Variants in DGKD observed in about 807,000 individuals in gnomAD.
DGKD encodes DAG kinase delta.
Under a neutral mutation model 154.4 loss-of-function variants are expected in DGKD, and 68 were observed. The ratio of observed to expected loss-of-function variants is 0.44; its 90% CI spans 0.36 to 0.54. DGKD has a LOEUF of 0.54. Among genes scored for constraint, DGKD ranks in the 20% least tolerant of loss-of-function variants. The probability of loss-of-function intolerance (pLI) is 0.00; values close to 1 mark genes in which losing one functional copy is unlikely to be tolerated. For synonymous variants in DGKD, 693 were observed against 638.0 expected (o/e 1.09, Z -1.30); for missense variants, 1,343 against 1,593.6 (o/e 0.84, Z 2.68).
chr2:233,438,263 G>C lies in DGKD; in HGVS notation c.969G>C (p.Leu323Phe), dbSNP rs765049780. The change falls in exon 9 of 30, where the codon TTG (leucine) becomes TTC (phenylalanine). Residue 323 changes from leucine (L) to phenylalanine (F), a missense_variant. Leu to Phe is a conservative substitution (Grantham distance 22). Transcript: ENST00000264057. The surrounding 1 kb of genome is among the most constrained non-coding windows in gnomAD (Gnocchi z 4.1). ...CTCCTTCTTGCACAAGCCCACTGTT[G>C]GTCTTCGTCAATTCAAAAAGTGGGG... ...SCPPSCTSPL[L>F]VFVNSKSGDN... is the part of the protein sequence containing the mutation. 6.2e-7 allele frequency: 1 copy of C among 1,614,172 alleles called. No homozygotes were observed. Among genetic ancestry groups the C allele is most frequent in the Non-Finnish European group, 8.5e-7 (1 of 1,180,036 alleles).
rs576555280 is a variant in DGKD, at chr2:233,407,617, A to G, written c.348+17134A>G. On this transcript the variant is annotated intron_variant, in intron 3 of 29. Coordinates refer to ENST00000264057, the MANE Select transcript of DGKD (RefSeq NM_152879.3). ...CCTGTCTCTACAAAAAATAAAAAAA[A>G]TTATCCAGGTACGGAGGCATGCACC... Among the ~76,000 whole-genome samples, 3 of 152,226 alleles carry G rather than the reference A, an allele frequency of 2.0e-5. No individual in the cohort carries two copies. In the South Asian group the frequency reaches 6.2e-4, roughly 32 times the overall value.
At chr2:233,466,072 A>C (rs1333577584) in intron 27 of DGKD, among the ~76,000 whole-genome samples, 1 of 152,138 alleles carries the variant, frequency 6.6e-6, no homozygotes, top group Non-Finnish European at 1.5e-5. Flanking sequence ...AAGCATCTAA[A>C]TTAGCTGTTC....
At chr2:233,407,271 T>C (rs975855517) in intron 3 of DGKD, among the ~76,000 whole-genome samples, 4 of 152,234 alleles carry the variant, frequency 2.6e-5, no homozygotes, top group African/African-American at 9.6e-5. Context: ...AGGCCAACTT[T>C]ACAGATATAT....
rs183387561 is a variant in DGKD, at chr2:233,438,812, A to G, written c.1085+433A>G. Among the ~76,000 whole-genome samples the G allele has an allele frequency of 3.7e-5, 5 of 136,952 alleles. No individual in the cohort carries two copies. The highest frequency in any genetic ancestry group is 2.2e-4 in the Admixed American group (3 of 13,712). 89.8% of individuals were successfully genotyped at this position (136,952 alleles called of 152,430 possible). The stretch of plus-strand genomic sequence containing the variant: ...TATCTATCTATCTATCTATCTATCT[A>G]TCTGTGGGTGTATTTTCCTGGCGTG... On this transcript the variant is annotated intron_variant, in intron 9 of 29. Transcript: ENST00000264057. The surrounding 1 kb of genome is among the most constrained non-coding windows in gnomAD (Gnocchi z 4.1).
intron 3 of DGKD, among the ~76,000 whole-genome samples, chr2:233,423,559 G>A (rs1203268013): frequency 1.3e-5 from 2 of 152,110 alleles, no homozygotes; most frequent in Non-Finnish European, 1.5e-5. Flanking sequence ...TGTGCTGTCG[G>A]GGGTGAGGAC....
rs2062733939 is a variant in DGKD at position 233,437,370 on chromosome 2, G to C, written c.820-7G>C. ...GACCCTTGGTGACGCGGGGACTCTT[G>C]TTTCAGGTTCACACATCGTGTAAAG... On this transcript the variant is annotated splice_polypyrimidine_tract_variant and splice_region_variant and intron_variant, in intron 7 of 29. Coordinates refer to ENST00000264057, the MANE Select transcript of DGKD (RefSeq NM_152879.3). 3 of 1,614,048 alleles carry C rather than the reference G, an allele frequency of 1.9e-6. No homozygotes were observed. The highest frequency in any genetic ancestry group is 1.6e-4 in the Middle Eastern group (1 of 6,062).
rs1473052540 is a variant in DGKD, at chr2:233,438,058, C to T, written c.923-159C>T. On this transcript the variant is annotated intron_variant, in intron 8 of 29. Coordinates refer to ENST00000264057, the MANE Select transcript of DGKD (RefSeq NM_152879.3). The surrounding 1 kb of genome is among the most constrained non-coding windows in gnomAD (Gnocchi z 4.1). The stretch of plus-strand genomic sequence containing the variant: ...GGCTCCCGGCCTCACACATGGAGAC[C>T]GGCTGTGGGGAACTGTTCACTGACC... Among the ~76,000 whole-genome samples the T allele has an allele frequency of 6.6e-6, 1 of 152,158 alleles. No individual in the cohort carries two copies. Among genetic ancestry groups the T allele is most frequent in the Non-Finnish European group, 1.5e-5 (1 of 68,028 alleles).
chr2:233,401,919 CAAAAAAAAAAAAA>C (rs34388122), intron 3 of DGKD, among the ~76,000 whole-genome samples: 1 of 54,808 alleles, frequency 1.8e-5, no homozygotes, highest in Admixed American at 2.2e-4. Context: ...GACTCTGTCT[CAAAAAAAAAAAAA>C]AAAAAAAAAA....
Position 233,460,244 on chromosome 2 carries a change from G to T in DGKD, c.2880G>T (p.Leu960=). The change falls in exon 24 of 30, where the codon CTG becomes CTT. Residue 960 remains leucine (L), a synonymous_variant. Coordinates refer to ENST00000264057, the MANE Select transcript of DGKD (RefSeq NM_152879.3). ...KSWEDKQKCE[L]PRPPSCSLHP... ...GGGAAGACAAGCAGAAGTGCGAGCT[G>T]CCCCGCCCTCCATCCTGTTCCCTGC... 1 of 1,613,980 alleles carries T rather than the reference G, an allele frequency of 6.2e-7. No individual in the cohort carries two copies. The highest frequency in any genetic ancestry group is 8.5e-7 in the Non-Finnish European group (1 of 1,179,996).
intron 3 of DGKD, among the ~76,000 whole-genome samples, chr2:233,399,347 GCCCCT>G: frequency 6.6e-6 from 1 of 152,246 alleles, no homozygotes; most frequent in Non-Finnish European, 1.5e-5. Context: ...TTTGGGCCCT[GCCCCT>G]CATTGTTCGG....
intron 29 of DGKD, among the ~76,000 whole-genome samples, chr2:233,469,085 C>G (rs1035232030): frequency 2.0e-5 from 3 of 152,208 alleles, no homozygotes; most frequent in African/African-American, 7.2e-5. Context: ...TGGACAGTGG[C>G]TCTCATGAGG....
chr2:233,458,105 A>T lies in DGKD; in HGVS notation c.2581-179A>T. 1 of 529,966 alleles carries T rather than the reference A, an allele frequency of 1.9e-6. No homozygotes were observed. Among genetic ancestry groups the T allele is most frequent in the Non-Finnish European group, 3.4e-6 (1 of 293,656 alleles). 32.8% of individuals were successfully genotyped at this position (529,966 alleles called of 1,614,324 possible). ...TAACTTTGCCGAGATGAGAGCTGGG[A>T]TTTGGTCCCAGGCAGCTGGTTTCAG... is the stretch of plus-strand genomic sequence containing the variant. On this transcript the variant is annotated intron_variant, in intron 21 of 29. Coordinates refer to ENST00000264057, the MANE Select transcript of DGKD (RefSeq NM_152879.3). The surrounding 1 kb of genome is among the most constrained non-coding windows in gnomAD (Gnocchi z 6.6).
intron 3 of DGKD, among the ~76,000 whole-genome samples, chr2:233,421,173 T>C (rs925524072): frequency 2.0e-5 from 3 of 152,170 alleles, no homozygotes; most frequent in Admixed American, 6.5e-5. Context: ...GCCCTCAGCA[T>C]GTCCACACGG....
Position 233,441,432 on chromosome 2 carries a change from G to A in DGKD, c.1086-455G>A, listed in dbSNP as rs909343737. On this transcript the variant is annotated intron_variant, in intron 9 of 29. Coordinates refer to ENST00000264057, the MANE Select transcript of DGKD (RefSeq NM_152879.3). The surrounding 1 kb of genome is among the most constrained non-coding windows in gnomAD (Gnocchi z 5.6). ...GCCGGGGAGTGCCAAGACTGAGGGT[G>A]CAGGGTGATGCAGGCAGCCCAGAGG... Among the ~76,000 whole-genome samples, 11 of 152,212 alleles carry A rather than the reference G, an allele frequency of 7.2e-5. No homozygotes were observed. Among genetic ancestry groups the A allele is most frequent in the Admixed American group, 3.3e-4 (5 of 15,286 alleles).
rs1263634999 is a variant in DGKD, at chr2:233,440,469, G to C, written c.1086-1418G>C. ...CAGGGTCCCCCGGCACTTCAGTGGG[G>C]GTGACACAGCTTCTCTGGGAACCCG... On this transcript the variant is annotated intron_variant, in intron 9 of 29. Coordinates refer to ENST00000264057, the MANE Select transcript of DGKD (RefSeq NM_152879.3). The surrounding 1 kb of genome is among the most constrained non-coding windows in gnomAD (Gnocchi z 4.9). Among the ~76,000 whole-genome samples, 1 of 152,208 alleles carries C rather than the reference G, an allele frequency of 6.6e-6. No individual in the cohort carries two copies. The highest frequency in any genetic ancestry group is 1.5e-5 in the Non-Finnish European group (1 of 68,032).
intron 1 of DGKD, among the ~76,000 whole-genome samples, chr2:233,371,919 A>G (rs1033187112): frequency 3.9e-5 from 6 of 152,248 alleles, no homozygotes; most frequent in African/African-American, 1.2e-4. Context: ...TAATAGAATC[A>G]TTCTTATGTA....
chr2:233,355,198 C>A (rs1262864188), intron 1 of DGKD, among the ~76,000 whole-genome samples: 1 of 152,172 alleles, frequency 6.6e-6, no homozygotes, highest in Non-Finnish European at 1.5e-5. Context: ...CCCCTTCACC[C>A]CTTCATCCCA....
At chr2:233,396,640 G>A (rs1246494550) in intron 3 of DGKD, among the ~76,000 whole-genome samples, 1 of 152,200 alleles carries the variant, frequency 6.6e-6, no homozygotes, top group East Asian at 1.9e-4. Context: ...CAGAGGAAGT[G>A]AGGTCTCATA....
In DGKD at chr2:233,449,482, C is replaced by T. The variant is rs984232843; in HGVS notation, c.1888+106C>T. On this transcript the variant is annotated intron_variant, in intron 15 of 29. Coordinates refer to ENST00000264057, the MANE Select transcript of DGKD (RefSeq NM_152879.3). The surrounding 1 kb of genome is among the most constrained non-coding windows in gnomAD (Gnocchi z 5.3). ...AGAAGGGTGCATGTTGAGAAAACCT[C>T]CACTGCGGCCCTCTCCACCCATGTC... 7 of 1,411,258 alleles carry T rather than the reference C, an allele frequency of 5.0e-6. No homozygotes were observed. The Admixed American group carries it at 1.5e-4, about 31-fold the overall frequency. The allele number at this position is 1,411,258 out of a possible 1,614,324, so 87.4% of individuals were successfully genotyped here. A position where few individuals can be genotyped will look rare whatever the true frequency, so the allele number is the denominator to read the frequency against.
Sources: allele counts gnomAD v4.1 joint callset (sites outside exome capture counted in the v4.1 genomes callset), GRCh38; gene constraint gnomAD v4.1.1; non-coding constraint Gnocchi (gnomAD v3.1); transcripts MANE v1.5; gene names NCBI Gene and HGNC (gene_info 2026-07-23, HGNC 2026-07-21).